The following OSBPL11 variants were observed in gnomAD, a reference collection of about 807,000 sequenced individuals.
OSBPL11 encodes the protein oxysterol binding protein like 11.
Under a neutral mutation model 84.4 loss-of-function variants are expected in OSBPL11, and 33 were observed. The ratio of observed to expected loss-of-function variants is 0.39; its 90% CI spans 0.30 to 0.52. The LOEUF is 0.52. Among genes scored for constraint, OSBPL11 ranks in the 20% least tolerant of loss-of-function variants. OSBPL11 has a pLI of 0.72. For synonymous variants in OSBPL11, 276 were observed against 310.2 expected (o/e 0.89, Z 1.16); for missense variants, 736 against 901.1 (o/e 0.82, Z 2.35).
At chr3:125,594,068 C>A (rs569899077) in intron 1 of OSBPL11, among the ~76,000 whole-genome samples, 46 of 152,324 alleles carry the variant, frequency 3.0e-4, no homozygotes, top group African/African-American at 1.1e-3. Context: ...GTGGCCTGAG[C>A]AACGCAAACT....
At chr3:125,533,468 G>A (rs1454855976) in intron 11 of OSBPL11, among the ~76,000 whole-genome samples, 1 of 151,710 alleles carries the variant, frequency 6.6e-6, no homozygotes, top group South Asian at 2.1e-4. Context: ...CAAATGACCC[G>A]CCCACCTCGG....
intron 3 of OSBPL11, 111 bp from the exon 4 acceptor site, chr3:125,579,150 C>A: frequency 1.5e-6 from 1 of 653,118 alleles, no homozygotes; most frequent in Non-Finnish European, 2.4e-6. Context: ...CTTACTCTCA[C>A]TAGAGCAAAC....
intron 11 of OSBPL11, 35 bp downstream of exon 11, chr3:125,538,416 T>G (rs1428656934): frequency 6.3e-7 from 1 of 1,591,422 alleles, no homozygotes; most frequent in African/African-American, 1.3e-5. Context: ...GCAGAGCATC[T>G]GACTCTTTCC....
chr3:125,573,654 A>G (rs1936274845), intron 5 of OSBPL11, among the ~76,000 whole-genome samples: 1 of 151,966 alleles, frequency 6.6e-6, no homozygotes, highest in South Asian at 2.1e-4. Flanking sequence ...CCTGAGGTCA[A>G]GGGTTCAAAA....
rs565721104 is a variant in OSBPL11 at position 125,581,191 on chromosome 3, C to T, written c.234-1151G>A. Among the ~76,000 whole-genome samples the T allele has an allele frequency of 7.9e-5, 12 of 151,910 alleles. No homozygotes were observed. The East Asian group carries it at 2.2e-3, about 27-fold the overall frequency. ...CACTGCAACCTCTGCCTCCCAGGTT[C>T]AAGCGATTCTCATGCCTCAGCTCCC... On this transcript the variant is annotated intron_variant, in intron 2 of 12. Coordinates refer to ENST00000296220, the MANE Select transcript of OSBPL11 (RefSeq NM_022776.5).
At position 125,529,702 on chromosome 3, in the gene OSBPL11, G is replaced by C. The variant is rs1172668130; in HGVS notation, c.*813C>G. The C allele has an allele frequency of 6.6e-6, 1 of 152,448 alleles. No homozygotes were observed. The highest frequency in any genetic ancestry group is 1.5e-5 in the Non-Finnish European group (1 of 67,992). The allele number at this position is 152,448 out of a possible 1,614,324, so 9.4% of individuals were successfully genotyped here. On this transcript the variant is annotated 3_prime_UTR_variant, in exon 13 of 13. Transcript: ENST00000296220. Reference sequence around the variant, plus strand: ...TTTAATGCCTTAGTTCTGGAGAAAGGCTAAAATCTCATCATATTGACATTA... The same window carrying C: ...TTTAATGCCTTAGTTCTGGAGAAAGCCTAAAATCTCATCATATTGACATTA...
At chr3:125,560,556 C>A in intron 7 of OSBPL11, 37 bp from the exon 8 acceptor site, 1 of 1,501,584 alleles carries the variant, frequency 6.7e-7, no homozygotes, top group South Asian at 1.4e-5. Context: ...AGTATTTTAA[C>A]TACCTATTCA....
chr3:125,584,466 T>C (rs2107611583), intron 1 of OSBPL11, among the ~76,000 whole-genome samples: 1 of 152,342 alleles, frequency 6.6e-6, no homozygotes, highest in East Asian at 1.9e-4. Context: ...CATCAATCCA[T>C]AAGAGGTTTG....
intron 10 of OSBPL11, among the ~76,000 whole-genome samples, chr3:125,547,076 T>C (rs1435336017): frequency 6.6e-6 from 1 of 152,158 alleles, no homozygotes; most frequent in African/African-American, 2.4e-5. Context: ...CTTATAGCTA[T>C]AGCTGCCTTC....
chr3:125,534,969 A>C (rs1383939774), intron 11 of OSBPL11, among the ~76,000 whole-genome samples: 1 of 146,158 alleles, frequency 6.8e-6, no homozygotes, highest in Non-Finnish European at 1.5e-5. Flanking sequence ...AAAAAAAAAA[A>C]AAAAAAAAGC....
chr3:125,530,677 T>A, intron 12 of OSBPL11, 97 bp from the exon 13 acceptor site: 1 of 1,004,908 alleles, frequency 1.0e-6, no homozygotes, highest in Non-Finnish European at 1.5e-6. Context: ...GGAATTCTAT[T>A]TTCACATTCA....
At chr3:125,545,506 T>C (rs781275273) in intron 10 of OSBPL11, among the ~76,000 whole-genome samples, 16 of 152,210 alleles carry the variant, frequency 1.1e-4, no homozygotes, top group Non-Finnish European at 5.9e-5. Context: ...TTTCCAAAAA[T>C]AGTATCCTGG....
chr3:125,572,723 G>A (rs1190084970), intron 5 of OSBPL11, among the ~76,000 whole-genome samples: 1 of 151,534 alleles, frequency 6.6e-6, no homozygotes, highest in Non-Finnish European at 1.5e-5. Context: ...ATGTGGAACT[G>A]TAAGTCCATC....
chr3:125,579,586 T>C (rs1936389354), intron 3 of OSBPL11, among the ~76,000 whole-genome samples: 1 of 152,230 alleles, frequency 6.6e-6, no homozygotes, highest in Non-Finnish European at 1.5e-5. Flanking sequence ...AAATATCATT[T>C]AAAGTCTATG....
intron 9 of OSBPL11, among the ~76,000 whole-genome samples, chr3:125,549,165 G>A (rs1340477104): frequency 6.6e-6 from 1 of 152,086 alleles, no homozygotes; most frequent in Admixed American, 6.5e-5. Context: ...GGGATTACAG[G>A]TGCCTGCTAC....
At chr3:125,554,991 T>C (rs1247798776) in intron 8 of OSBPL11, among the ~76,000 whole-genome samples, 1 of 151,222 alleles carries the variant, frequency 6.6e-6, no homozygotes, top group African/African-American at 2.4e-5. Context: ...CAAAGTACTG[T>C]TCTTGGGTGC....
intron 10 of OSBPL11, among the ~76,000 whole-genome samples, chr3:125,539,341 A>ATG (rs1935691870): frequency 8.4e-6 from 1 of 119,582 alleles, no homozygotes; most frequent in Non-Finnish European, 1.7e-5. Context: ...ATATATATAT[A>ATG]TATAATAGCT....
intron 5 of OSBPL11, among the ~76,000 whole-genome samples, chr3:125,575,523 A>G (rs1936309094): frequency 6.7e-6 from 1 of 148,256 alleles, no homozygotes. Flanking sequence ...ACCGCGACCT[A>G]CCACTGTTTG....
intron 1 of OSBPL11, among the ~76,000 whole-genome samples, chr3:125,588,200 C>A (rs1936544083): frequency 7.4e-6 from 1 of 135,554 alleles, no homozygotes; most frequent in Non-Finnish European, 1.5e-5. Flanking sequence ...CCAGGCTGGG[C>A]GTCAGAGTAA....
Sources: allele counts gnomAD v4.1 joint callset (sites outside exome capture counted in the v4.1 genomes callset), GRCh38; gene constraint gnomAD v4.1.1; transcripts MANE v1.5; gene names NCBI Gene and HGNC (gene_info 2026-07-23, HGNC 2026-07-21).